Variants in ZNF407 observed in about 807,000 individuals in gnomAD.
The protein encoded by ZNF407 is zinc finger protein 407.
In ZNF407, 17 loss-of-function variants were observed where a neutral mutation model predicts 131.2. That is an observed-to-expected ratio of 0.13 (90% CI 0.09 to 0.19). The LOEUF (loss-of-function observed/expected upper bound fraction) is 0.19. Among genes scored for constraint, ZNF407 ranks in the 10% least tolerant of loss-of-function variants. The pLI is 1.00. For missense variants in ZNF407, 2,681 were observed against 2,830.6 expected (o/e 0.95, Z 1.20); for synonymous variants, 1,156 against 1,062.0 (o/e 1.09, Z -1.72).
intron 3 of ZNF407, among the ~76,000 whole-genome samples, chr18:74,748,631 A>G (rs1213324040): frequency 6.6e-6 from 1 of 152,172 alleles, no homozygotes; most frequent in African/African-American, 2.4e-5. Flanking sequence ...TCTATAGAAA[A>G]TGAAAAGAAT....
rs561347925 is a variant in ZNF407, at chr18:74,916,433, G to T, written c.5250-4081G>T. Among the ~76,000 whole-genome samples, 4 of 140,268 alleles carry T rather than the reference G, an allele frequency of 2.9e-5. No individual in the cohort carries two copies. In the East Asian group the frequency reaches 9.0e-4, roughly 32 times the overall value. The allele number at this position is 140,268 out of a possible 152,430, so 92.0% of individuals were successfully genotyped here. A position where few individuals can be genotyped will look rare whatever the true frequency, so the allele number is the denominator to read the frequency against. On this transcript the variant is annotated intron_variant, in intron 7 of 8. Transcript: ENST00000299687. ...CGGGAGTGTGTGTGTGTGTGTGCAT[G>T]TGTGTGCTGGTATGGTGAGGTTGTG...
intron 8 of ZNF407, among the ~76,000 whole-genome samples, chr18:75,002,630 G>A (rs1030099032): frequency 2.6e-5 from 4 of 151,962 alleles, no homozygotes; most frequent in Admixed American, 6.6e-5. Flanking sequence ...GTGAAACCCC[G>A]TCTCTACTAA....
intron 3 of ZNF407, among the ~76,000 whole-genome samples, chr18:74,670,769 C>T (rs545831856): frequency 5.9e-5 from 9 of 152,122 alleles, no homozygotes; most frequent in South Asian, 4.1e-4. Flanking sequence ...CCTTTAACTC[C>T]TGGGTCCTGC....
intron 8 of ZNF407, among the ~76,000 whole-genome samples, chr18:74,963,561 C>T (rs1972373972): frequency 6.6e-6 from 1 of 152,098 alleles, no homozygotes; most frequent in African/African-American, 2.4e-5. Flanking sequence ...TCTCAGTTTT[C>T]TGCATTGTAG....
chr18:75,042,220 C>T lies in ZNF407; in HGVS notation c.5429-20930C>T, dbSNP rs557645664. Among the ~76,000 whole-genome samples the T allele has an allele frequency of 1.5e-4, 23 of 152,138 alleles. No homozygotes were observed. The East Asian group carries it at 4.4e-3, about 29-fold the overall frequency. ...CTGGCCAGCCTTCTCATTTCTGTAA[C>T]AACAGTAAAAGTAAAATGTAGAAGT... On this transcript the variant is annotated intron_variant, in intron 8 of 8. Coordinates refer to ENST00000299687, the MANE Select transcript of ZNF407 (RefSeq NM_017757.3).
At chr18:74,969,680 G>T (rs1044151104) in intron 8 of ZNF407, among the ~76,000 whole-genome samples, 1 of 152,186 alleles carries the variant, frequency 6.6e-6, no homozygotes, top group African/African-American at 2.4e-5. Context: ...GGGGAAGAGG[G>T]TCTTGGGCCC....
intron 8 of ZNF407, among the ~76,000 whole-genome samples, chr18:74,954,566 G>A (rs1972254415): frequency 6.6e-6 from 1 of 152,084 alleles, no homozygotes; most frequent in Non-Finnish European, 1.5e-5. Context: ...TTTAGTTAAT[G>A]AAACTAGTCA....
At chr18:74,701,356 C>A (rs1385649908) in intron 3 of ZNF407, among the ~76,000 whole-genome samples, 1 of 152,222 alleles carries the variant, frequency 6.6e-6, no homozygotes, top group Admixed American at 6.5e-5. Flanking sequence ...TTATTGCAAA[C>A]TGTGAGTTAG....
intron 4 of ZNF407, among the ~76,000 whole-genome samples, chr18:74,840,539 A>C (rs1256813082): frequency 6.6e-6 from 1 of 151,926 alleles, no homozygotes; most frequent in African/African-American, 2.4e-5. Flanking sequence ...CCTCTCTTAC[A>C]GATTTTATTT....
At chr18:74,838,718 G>A (rs1031262325) in intron 4 of ZNF407, among the ~76,000 whole-genome samples, 1 of 152,028 alleles carries the variant, frequency 6.6e-6, no homozygotes, top group African/African-American at 2.4e-5. Context: ...TTTTTCCACA[G>A]TACACTATAG....
At chr18:74,755,278 T>C (rs1184060338) in intron 3 of ZNF407, among the ~76,000 whole-genome samples, 1 of 151,922 alleles carries the variant, frequency 6.6e-6, no homozygotes, top group Non-Finnish European at 1.5e-5. Context: ...GAATTACCGA[T>C]GGGTCTTGAT....
intron 8 of ZNF407, among the ~76,000 whole-genome samples, chr18:75,033,030 A>T (rs1247418786): frequency 8.0e-6 from 1 of 124,742 alleles, no homozygotes; most frequent in East Asian, 2.6e-4. Context: ...ATAGTATTAG[A>T]TAACTAAGAC....
chr18:74,910,388 A>T (rs1971653445), intron 7 of ZNF407, among the ~76,000 whole-genome samples: 3 of 151,590 alleles, frequency 2.0e-5, no homozygotes, highest in Non-Finnish European at 4.4e-5. Context: ...ATTCAGGTGG[A>T]CTCTCCCTCC....
rs113206905 is a variant in ZNF407, at chr18:74,921,716, A to G, written c.5428+1024A>G. On this transcript the variant is annotated intron_variant, in intron 8 of 8. Transcript: ENST00000299687. ...CTAGGAGTTTGAATGAACTCTCCCCAGTACCTGCTATGCTGCTGTAGGCAT... is the reference window on the plus strand; with the variant it reads ...CTAGGAGTTTGAATGAACTCTCCCCGGTACCTGCTATGCTGCTGTAGGCAT... 9.1e-3 allele frequency among the ~76,000 whole-genome samples: 1,381 copies of G among 152,304 alleles called. 22 individuals carry two copies. The highest frequency in any genetic ancestry group is 0.031 in the African/African-American group (1,298 of 41,568).
chr18:74,611,569 T>C (rs556899467), intron 1 of ZNF407, among the ~76,000 whole-genome samples: 23 of 152,206 alleles, frequency 1.5e-4, no homozygotes, highest in Admixed American at 3.3e-4. Flanking sequence ...ACACATTAGA[T>C]TGGCAACAAT....
chr18:75,023,086 A>G (rs1453992224), intron 8 of ZNF407, among the ~76,000 whole-genome samples: 1 of 152,082 alleles, frequency 6.6e-6, no homozygotes. Flanking sequence ...GGAACAGAAA[A>G]CCAAACACCA....
chr18:74,852,327 T>C (rs1970801346), intron 4 of ZNF407, among the ~76,000 whole-genome samples: 1 of 152,166 alleles, frequency 6.6e-6, no homozygotes, highest in African/African-American at 2.4e-5. Flanking sequence ...GAAATATGCA[T>C]AACTTTTGAG....
chr18:74,608,382 T>C (rs935424531), intron 1 of ZNF407, among the ~76,000 whole-genome samples: 1 of 144,460 alleles, frequency 6.9e-6, no homozygotes, highest in Non-Finnish European at 1.5e-5. Flanking sequence ...AGAGTCTTGC[T>C]CTGTCACTCA....
chr18:74,826,409 A>C (rs1399671016), intron 4 of ZNF407, among the ~76,000 whole-genome samples: 1 of 152,108 alleles, frequency 6.6e-6, no homozygotes, highest in East Asian at 1.9e-4. Context: ...CTCAAGGTTG[A>C]TCTCTTAGGC....
Sources: gnomAD v4.1 joint callset for allele counts (sites outside exome capture counted in the v4.1 genomes callset) on GRCh38, gnomAD v4.1.1 for gene constraint, MANE v1.5 for transcripts, NCBI Gene and HGNC (gene_info 2026-07-23, HGNC 2026-07-21) for gene names.